Variants in DUSP5 observed in about 807,000 individuals in gnomAD.
DUSP5 encodes dual specificity protein phosphatase 5.
A neutral mutation model predicts 33.6 loss-of-function variants in DUSP5; 22 were observed. The ratio of observed to expected loss-of-function variants is 0.66; its 90% CI spans 0.47 to 0.94. DUSP5 has a LOEUF of 0.94. Among genes scored for constraint, DUSP5 ranks in the 40% least tolerant of loss-of-function variants. DUSP5 has a pLI of 0.00. For synonymous variants in DUSP5, 270 were observed against 231.1 expected (o/e 1.17, Z -1.53); for missense variants, 551 against 522.1 (o/e 1.06, Z -0.54).
Position 110,510,090 on chromosome 10 carries a change from C to G in DUSP5, c.819C>G (p.Ile273Met), listed in dbSNP as rs777615224. 5 of 1,614,196 alleles carry G rather than the reference C, an allele frequency of 3.1e-6. No individual in the cohort carries two copies. Among genetic ancestry groups the G allele is most frequent in the Non-Finnish European group, 4.2e-6 (5 of 1,180,010 alleles). ...CEAGISRSPT[I>M]CMAYLMKTKQ... is the part of the protein sequence containing the mutation. ...CTGGGATCTCCCGTTCACCCACCAT[C>G]TGCATGGCTTACCTTATGAAGACCA... is the stretch of plus-strand genomic sequence containing the variant. The change falls in exon 4 of 4, where the codon ATC becomes ATG. Residue 273 changes from isoleucine to methionine, a missense_variant. Transcript: ENST00000369583.
rs534754516 is a variant in DUSP5 at position 110,507,165 on chromosome 10, C to T, written c.748+11C>T. 1.9e-6 allele frequency: 3 copies of T among 1,609,182 alleles called. No individual in the cohort carries two copies. The highest frequency in any genetic ancestry group is 2.2e-5 in the East Asian group (1 of 44,840). On this transcript the variant is annotated intron_variant, in intron 3 of 3. Coordinates refer to ENST00000369583, the MANE Select transcript of DUSP5 (RefSeq NM_004419.4). Reference sequence around the variant, plus strand: ...CAATAGACTTCATTGGTAGGTTTAGCCATTCCCCTTCAGTTATTTTGGGAG... The same window carrying T: ...CAATAGACTTCATTGGTAGGTTTAGTCATTCCCCTTCAGTTATTTTGGGAG...
chr10:110,509,077 A>G (rs575220620), intron 3 of DUSP5, among the ~76,000 whole-genome samples: 4 of 152,322 alleles, frequency 2.6e-5, no homozygotes, highest in East Asian at 3.9e-4. Context: ...CCTGTGATGT[A>G]ATTGTTTCCT....
chr10:110,507,235 G>A (rs902380772), intron 3 of DUSP5, 81 bp downstream of exon 3: 1 of 1,405,982 alleles, frequency 7.1e-7, no homozygotes. Flanking sequence ...CCTGATGGAA[G>A]CTACCTTCAC....
At chr10:110,498,590 G>C in intron 1 of DUSP5, 90 bp downstream of exon 1, 1 of 1,323,650 alleles carries the variant, frequency 7.6e-7, no homozygotes. Context: ...CCCTGGGACC[G>C]GGAGAGTCAC....
chr10:110,505,782 T>G (rs1860109532), intron 2 of DUSP5, among the ~76,000 whole-genome samples: 2 of 152,220 alleles, frequency 1.3e-5, no homozygotes, highest in Admixed American at 1.3e-4. Flanking sequence ...TTCAGAGCCC[T>G]GTAAATGCTG....
intron 1 of DUSP5, 47 bp from the exon 2 acceptor site, chr10:110,502,674 G>A (rs1445686551): frequency 1.3e-6 from 2 of 1,599,906 alleles, no homozygotes; most frequent in South Asian, 1.1e-5. Flanking sequence ...GACAGCGTGA[G>A]AAATTGATGC....
At position 110,511,306 on chromosome 10, in the gene DUSP5, C is replaced by G. The variant is rs942127991; in HGVS notation, c.*880C>G. 1.3e-5 allele frequency: 2 copies of G among 152,580 alleles called. No homozygotes were observed. The highest frequency in any genetic ancestry group is 4.8e-5 in the African/African-American group (2 of 41,412). The allele number at this position is 152,580 out of a possible 1,614,324, so 9.5% of individuals were successfully genotyped here. A position where few individuals can be genotyped will look rare whatever the true frequency, so the allele number is the denominator to read the frequency against. On this transcript the variant is annotated 3_prime_UTR_variant, in exon 4 of 4. Coordinates refer to ENST00000369583, the MANE Select transcript of DUSP5 (RefSeq NM_004419.4). ...TTCTGTGTGCTTATGTCTCTTGTGA[C>G]AATTGTTTTCCTCCCTGCCCCTGGA...
At chr10:110,506,673 C>T (rs1405264439) in intron 2 of DUSP5, among the ~76,000 whole-genome samples, 1 of 152,106 alleles carries the variant, frequency 6.6e-6, no homozygotes, top group Non-Finnish European at 1.5e-5. Context: ...TATCCTGCCT[C>T]CTGGATATGT....
At position 110,510,214 on chromosome 10, in the gene DUSP5, T is replaced by C; in HGVS notation, c.943T>C (p.Ser315Pro). The C allele has an allele frequency of 6.2e-7, 1 of 1,614,210 alleles. No homozygotes were observed. Among genetic ancestry groups the C allele is most frequent in the African/African-American group, 1.3e-5 (1 of 75,066 alleles). ...GFMGQLLQYE[S>P]EILPSTPNPQ... The stretch of plus-strand genomic sequence containing the variant: ...CATGGGCCAGCTCCTGCAGTACGAA[T>C]CTGAGATCCTGCCCTCCACGCCCAA... The change falls in exon 4 of 4, where the codon TCT becomes CCT. Residue 315 changes from serine to proline, a missense_variant. This residue lies in a region of DUSP5 where 158 missense variants were observed against 181.8 expected (regional missense o/e 0.87). Coordinates refer to ENST00000369583, the MANE Select transcript of DUSP5 (RefSeq NM_004419.4).
intron 1 of DUSP5, 135 bp from the exon 2 acceptor site, chr10:110,502,586 A>T (rs1716291232): frequency 2.9e-6 from 3 of 1,044,378 alleles, no homozygotes; most frequent in Non-Finnish European, 4.1e-6. Context: ...TCAATTTTTA[A>T]TGACCAGAAT....
chr10:110,502,907 A>G (rs780380758), intron 2 of DUSP5, 38 bp downstream of exon 2: 39 of 1,611,080 alleles, frequency 2.4e-5, no homozygotes, highest in Non-Finnish European at 1.5e-5. Context: ...CCTGAGTGGT[A>G]TTCTGGGCTC....
At chr10:110,506,521 G>A (rs1860121628) in intron 2 of DUSP5, among the ~76,000 whole-genome samples, 1 of 152,192 alleles carries the variant, frequency 6.6e-6, no homozygotes, top group African/African-American at 2.4e-5. Flanking sequence ...CATTTTATCT[G>A]TAAAGAAAGC....
chr10:110,498,553 C>T (rs1209380021), intron 1 of DUSP5, 53 bp downstream of exon 1: 3 of 1,379,766 alleles, frequency 2.2e-6, no homozygotes, highest in East Asian at 6.0e-5. Context: ...CCCGGGTCCC[C>T]TCCCTGCGCC....
chr10:110,504,667 C>G (rs1860097164), intron 2 of DUSP5, among the ~76,000 whole-genome samples: 1 of 152,220 alleles, frequency 6.6e-6, no homozygotes, highest in African/African-American at 2.4e-5. Flanking sequence ...TGGTTTCTAG[C>G]TGGTGGGGAT....
chr10:110,498,539 C>G, intron 1 of DUSP5, 39 bp downstream of exon 1: 2 of 1,406,318 alleles, frequency 1.4e-6, no homozygotes, highest in Non-Finnish European at 1.8e-6. Context: ...GCCCCTCCGG[C>G]GCCCCCGGGT....
rs2134653714 is a variant in DUSP5 at position 110,498,168 on chromosome 10, G to T, written c.47G>T (p.Arg16Leu). Residue 16 changes from arginine to leucine, a missense_variant, in exon 1 of 4, where the codon CGC becomes CTC. Around this residue, in one of 3 missense-constraint regions of DUSP5, gnomAD observed 381 missense variants for 310.4 expected, o/e 1.23. Coordinates refer to ENST00000369583, the MANE Select transcript of DUSP5 (RefSeq NM_004419.4). The stretch of plus-strand genomic sequence containing the variant: ...GGGCGCCAGCTGCGCAAGATGCTCC[G>T]CAAGGAGGCGGCGGCGCGCTGCGTG... The part of the protein sequence containing the change: ...LDGRQLRKML[R>L]KEAAARCVVL... 1.3e-6 allele frequency: 2 copies of T among 1,486,470 alleles called. No homozygotes were observed. The highest frequency in any genetic ancestry group is 1.8e-6 in the Non-Finnish European group (2 of 1,116,700). 92.1% of individuals were successfully genotyped at this position (1,486,470 alleles called of 1,614,324 possible).
intron 1 of DUSP5, 89 bp from the exon 2 acceptor site, chr10:110,502,632 A>G: frequency 2.7e-6 from 4 of 1,477,308 alleles, no homozygotes; most frequent in Non-Finnish European, 3.7e-6. Context: ...ACTGTGTAAC[A>G]CTCAGAGTAT....
Position 110,510,771 on chromosome 10 carries a change from T to G in DUSP5, c.*345T>G. 4.5e-6 allele frequency: 1 copy of G among 220,392 alleles called. No individual in the cohort carries two copies. Among genetic ancestry groups the G allele is most frequent in the Non-Finnish European group, 8.9e-6 (1 of 112,496 alleles). The allele number at this position is 220,392 out of a possible 1,614,324, so 13.7% of individuals were successfully genotyped here. A position where few individuals can be genotyped will look rare whatever the true frequency, so the allele number is the denominator to read the frequency against. On this transcript the variant is annotated 3_prime_UTR_variant, in exon 4 of 4. Coordinates refer to ENST00000369583, the MANE Select transcript of DUSP5 (RefSeq NM_004419.4). ...CCTGCAGCAACGTGGGAGAAAGAAG[T>G]TGCTGGACCAGGAGAAAAGGCAGTT...
intron 1 of DUSP5, among the ~76,000 whole-genome samples, chr10:110,500,580 CCT>C (rs1483753851): frequency 6.6e-6 from 1 of 152,194 alleles, no homozygotes; most frequent in East Asian, 1.9e-4. Context: ...TCCATAATCC[CCT>C]GTCTCCCAAA....
Sources: allele counts gnomAD v4.1 joint callset (sites outside exome capture counted in the v4.1 genomes callset), GRCh38; gene constraint gnomAD v4.1.1; regional missense constraint gnomAD v4.1.1; transcripts MANE v1.5; gene names NCBI Gene and HGNC (gene_info 2026-07-23, HGNC 2026-07-21).